The following GNAS variants were observed in gnomAD, a reference collection of about 807,000 sequenced individuals.
GNAS encodes the protein protein ALEX.
GNAS carries 8 observed loss-of-function variants against 54.5 expected under a neutral mutation model. The observed-to-expected ratio is 0.15, with a 90% confidence interval of 0.09 to 0.26. The LOEUF (loss-of-function observed/expected upper bound fraction) is 0.26. Among genes scored for constraint, GNAS ranks in the 10% least tolerant of loss-of-function variants. The probability of loss-of-function intolerance (pLI) is 1.00; values close to 1 mark genes in which losing one functional copy is unlikely to be tolerated. For synonymous variants in GNAS, 204 were observed against 191.4 expected, an observed-to-expected ratio of 1.07 and a Z score of -0.54; for missense variants, 170 against 529.8, an observed-to-expected ratio of 0.32 and a Z score of 6.67.
intron 1 of GNAS, chr20:58,852,810 C>T (rs1412605528): frequency 4.3e-6 from 1 of 230,462 alleles, no homozygotes; most frequent in African/African-American, 2.2e-5. Context: ...TCCCGGGCCC[C>T]TGGCGCCAGG....
At chr20:58,891,396 G>GAGC (rs1428787082), upstream of GNAS, 3 of 246,512 alleles carry the variant, frequency 1.2e-5, no homozygotes, top group Non-Finnish European at 1.9e-5. Flanking sequence ...GAGGCAATAA[G>GAGC]AGCGGCGGCG....
chr20:58,871,311 TAG>T (rs930141234), intron 1 of GNAS, among the ~76,000 whole-genome samples: 3 of 151,858 alleles, frequency 2.0e-5, no homozygotes, highest in Admixed American at 6.6e-5. Context: ...AAGAAGTAAA[TAG>T]AGATTAAATT....
At chr20:58,907,334 G>GGCCCCCA (rs1202177977) in intron 6 of GNAS, among the ~76,000 whole-genome samples, 7 of 152,106 alleles carry the variant, frequency 4.6e-5, no homozygotes, top group Non-Finnish European at 7.3e-5. Flanking sequence ...TGGTCCCTAT[G>GGCCCCCA]GCCCCCAGCC....
chr20:58,893,879 C>G (rs1180785178), intron 1 of GNAS, among the ~76,000 whole-genome samples: 2 of 152,232 alleles, frequency 1.3e-5, no homozygotes, highest in Non-Finnish European at 2.9e-5. Context: ...AAAGTCTCCA[C>G]TTAATTTGAG....
At chr20:58,885,904 C>A (rs1388242837) in intron 1 of GNAS, among the ~76,000 whole-genome samples, 1 of 152,136 alleles carries the variant, frequency 6.6e-6, no homozygotes, top group Non-Finnish European at 1.5e-5. Context: ...TCAGTGGAAA[C>A]CTATTTATTG....
intron 1 of GNAS, among the ~76,000 whole-genome samples, chr20:58,874,750 G>A (rs1371080250): frequency 6.6e-6 from 1 of 151,638 alleles, no homozygotes; most frequent in East Asian, 1.9e-4. Context: ...TTAGTTCCTG[G>A]CCTGCCCTCT....
chr20:58,896,280 TTAAAACAAA>T (rs1341940550), intron 2 of GNAS, among the ~76,000 whole-genome samples: 1 of 152,102 alleles, frequency 6.6e-6, no homozygotes, highest in African/African-American at 2.4e-5. Context: ...TTGTTTCCCT[TTAAAACAAA>T]AAACAAATCA....
intron 1 of GNAS, among the ~76,000 whole-genome samples, chr20:58,885,261 G>A (rs1334386340): frequency 1.3e-5 from 2 of 152,096 alleles, no homozygotes; most frequent in Non-Finnish European, 2.9e-5. Flanking sequence ...CCCCATCAGA[G>A]AGTCAGGAAA....
At chr20:58,897,011 T>TCC (rs2090129209) in intron 2 of GNAS, among the ~76,000 whole-genome samples, 1 of 152,240 alleles carries the variant, frequency 6.6e-6, no homozygotes. Flanking sequence ...ATTTGTTAGA[T>TCC]CAAATAATTG....
intron 1 of GNAS, among the ~76,000 whole-genome samples, chr20:58,883,300 A>T (rs971848557): frequency 6.6e-6 from 1 of 152,156 alleles, no homozygotes; most frequent in African/African-American, 2.4e-5. Context: ...CATTCTTTCA[A>T]TTTTTTCGGT....
At position 58,891,552 on chromosome 20, in the gene GNAS, TCCGC is replaced by T; in HGVS notation, c.-174_-171del. 1.0e-6 allele frequency: 1 copy of T among 969,362 alleles called. No individual in the cohort carries two copies. The highest frequency in any genetic ancestry group is 1.2e-6 in the Non-Finnish European group (1 of 820,418). 60.0% of individuals were successfully genotyped at this position (969,362 alleles called of 1,614,324 possible). A position where few individuals can be genotyped will look rare whatever the true frequency, so the allele number is the denominator to read the frequency against. On this transcript the variant is annotated 5_prime_UTR_variant, in exon 1 of 13. Coordinates refer to ENST00000371085, the MANE Select transcript of GNAS (RefSeq NM_000516.7). The stretch of plus-strand genomic sequence containing the variant: ...ACCGACACCCTCCCCTTCCCGCCCG[TCCGC>T]GCGCCCCGCGGCCCGCGGCCCGCAG...
At position 58,909,007 on chromosome 20, in the gene GNAS, T is replaced by C; in HGVS notation, c.531-155T>C. 1 of 768,712 alleles carries C rather than the reference T, an allele frequency of 1.3e-6. No individual in the cohort carries two copies. Among genetic ancestry groups the C allele is most frequent in the Non-Finnish European group, 2.4e-6 (1 of 418,860 alleles). 47.6% of individuals were successfully genotyped at this position (768,712 alleles called of 1,614,324 possible). A position where few individuals can be genotyped will look rare whatever the true frequency, so the allele number is the denominator to read the frequency against. Reference sequence around the variant, plus strand: ...TAAGGCATCAGCTTTGAGTTACAAATGTAACCAACACACAAGCAAATGTGC... The same window carrying C: ...TAAGGCATCAGCTTTGAGTTACAAACGTAACCAACACACAAGCAAATGTGC... On this transcript the variant is annotated intron_variant, in intron 6 of 12. Transcript: ENST00000371085. The surrounding 1 kb of genome is among the most constrained non-coding windows in gnomAD (Gnocchi z 7.3).
intron 1 of GNAS, among the ~76,000 whole-genome samples, chr20:58,875,834 G>A (rs2087775166): frequency 6.6e-6 from 1 of 152,182 alleles, no homozygotes; most frequent in African/African-American, 2.4e-5. Flanking sequence ...AAATAAAAGA[G>A]GCTTGAGTAC....
chr20:58,907,382 A>G (rs973456506), intron 6 of GNAS, among the ~76,000 whole-genome samples: 1 of 152,202 alleles, frequency 6.6e-6, no homozygotes, highest in African/African-American at 2.4e-5. Flanking sequence ...ATTTTCTCAA[A>G]AGTTCGAACC....
At position 58,841,982 on chromosome 20, in the gene GNAS, G is replaced by A; in HGVS notation, c.43+1096G>A. ...GGTACGCGCAGAGCTGGGGAAAGGTGTTGGATCCGGCGCCAGTCCTTGGAC... is the reference window on the plus strand; with the variant it reads ...GGTACGCGCAGAGCTGGGGAAAGGTATTGGATCCGGCGCCAGTCCTTGGAC... On this transcript the variant is annotated intron_variant, in intron 1 of 12. Coordinates refer to the GNAS transcript ENST00000306090. The surrounding 1 kb of genome is among the most constrained non-coding windows in gnomAD (Gnocchi z 5.0). 1 of 1,005,850 alleles carries A rather than the reference G, an allele frequency of 9.9e-7. No homozygotes were observed. The highest frequency in any genetic ancestry group is 1.3e-6 in the Non-Finnish European group (1 of 781,484). 62.3% of individuals were successfully genotyped at this position (1,005,850 alleles called of 1,614,324 possible). A position where few individuals can be genotyped will look rare whatever the true frequency, so the allele number is the denominator to read the frequency against.
At chr20:58,890,764 A>G (rs1174573266), upstream of GNAS, 1 of 151,938 alleles carries the variant, frequency 6.6e-6, no homozygotes, top group Non-Finnish European at 1.5e-5. Context: ...CGCCACCGCC[A>G]CCAGACACCA....
chr20:58,903,943 A>G (rs2090868656), intron 5 of GNAS, 152 bp downstream of exon 5: 7 of 818,542 alleles, frequency 8.6e-6, no homozygotes, highest in Non-Finnish European at 1.5e-5. Flanking sequence ...TCCTTAGGAA[A>G]AAGTTAATTT....
intron 1 of GNAS, among the ~76,000 whole-genome samples, chr20:58,875,712 C>CAG (rs1367237113): frequency 6.6e-6 from 1 of 152,202 alleles, no homozygotes; most frequent in Non-Finnish European, 1.5e-5. Flanking sequence ...CAGTGGCAGT[C>CAG]AGGTTCAGAT....
rs2090700400 is a variant in GNAS, at chr20:58,902,442, G to A, written c.258-1089G>A. Among the ~76,000 whole-genome samples the A allele has an allele frequency of 2.0e-5, 3 of 152,070 alleles. No individual in the cohort carries two copies. In the South Asian group the frequency reaches 6.2e-4, roughly 31 times the overall value. ...CTGTTATGGTCCCCAGAAGCCAAAGGGTGTGTCCTTTACCTGTGGGACCAG... is the reference window on the plus strand; with the variant it reads ...CTGTTATGGTCCCCAGAAGCCAAAGAGTGTGTCCTTTACCTGTGGGACCAG... On this transcript the variant is annotated intron_variant, in intron 3 of 12. Transcript: ENST00000371085.
Sources: allele counts gnomAD v4.1 joint callset (sites outside exome capture counted in the v4.1 genomes callset), GRCh38; gene constraint gnomAD v4.1.1; non-coding constraint Gnocchi (gnomAD v3.1); transcripts MANE v1.5; gene names NCBI Gene and HGNC (gene_info 2026-07-23, HGNC 2026-07-21).